TLN2: variants seen among roughly 807,000 people sequenced by gnomAD.
TLN2 encodes the protein talin 2, also known as talin-2.
A neutral mutation model predicts 294.7 loss-of-function variants in TLN2; 118 were observed. That is an observed-to-expected ratio of 0.40 (90% CI 0.34 to 0.47). TLN2 has a LOEUF of 0.47. Ranked by LOEUF, TLN2 falls within the 20% of genes least tolerant of loss-of-function variation. TLN2 has a pLI of 0.84. For missense variants in TLN2, 3,083 were observed against 3,282.2 expected (o/e 0.94, Z 1.48); for synonymous variants, 1,431 against 1,304.5 (o/e 1.10, Z -2.09).
chr15:62,441,701 A>C (rs114172665), intron 1 of TLN2, among the ~76,000 whole-genome samples: 1 of 152,150 alleles, frequency 6.6e-6, no homozygotes, highest in Non-Finnish European at 1.5e-5. Context: ...AAGATTGCCC[A>C]CTTCAGATGC....
At chr15:62,599,917 C>T (rs1056493481) in intron 2 of TLN2, among the ~76,000 whole-genome samples, 2 of 152,070 alleles carry the variant, frequency 1.3e-5, no homozygotes, top group African/African-American at 2.4e-5. Flanking sequence ...AAAAATTGAC[C>T]GTGGAGGATA....
At chr15:62,655,824 A>C in intron 7 of TLN2, 120 bp from the exon 8 acceptor site, 2 of 1,103,408 alleles carry the variant, frequency 1.8e-6, no homozygotes, top group Non-Finnish European at 2.5e-6. Flanking sequence ...AAATAACTAT[A>C]ACTACTATAA....
At chr15:62,731,439 G>A (rs1431025825) in intron 28 of TLN2, among the ~76,000 whole-genome samples, 9 of 151,806 alleles carry the variant, frequency 5.9e-5, no homozygotes, top group Non-Finnish European at 1.0e-4. Context: ...ATTACTCTTC[G>A]CTTCTGGCAG....
chr15:62,501,941 C>T (rs1392096344), intron 1 of TLN2, among the ~76,000 whole-genome samples: 1 of 152,240 alleles, frequency 6.6e-6, no homozygotes, highest in East Asian at 1.9e-4. Flanking sequence ...TAGCTGAAAG[C>T]CAATTAAGAT....
Position 62,805,612 on chromosome 15 carries a change from A to G in TLN2, c.6490A>G (p.Lys2164Glu), listed in dbSNP as rs1567645435. The G allele has an allele frequency of 1.2e-6, 2 of 1,602,166 alleles. No individual in the cohort carries two copies. The highest frequency in any genetic ancestry group is 1.1e-5 in the South Asian group (1 of 89,882). The change falls in exon 51 of 59, where the codon AAA (lysine) becomes GAA (glutamate). Residue 2164 changes from lysine to glutamate, a missense_variant. Coordinates refer to ENST00000636159, the MANE Select transcript of TLN2 (RefSeq NM_015059.3). The part of the protein sequence containing the change: ...IKQELTVFQS[K>E]DVPEKTSSPE... ...TTCTGACTTCCAGGTGTTCCAGTCA[A>G]AAGACGTACCTGAAAAGACATCATC...
intron 2 of TLN2, among the ~76,000 whole-genome samples, chr15:62,605,528 C>T (rs2047359353): frequency 6.6e-6 from 1 of 152,162 alleles, no homozygotes. Context: ...AGTCTACTCC[C>T]TATCCCCAGC....
chr15:62,703,318 G>A (rs1053282609), intron 19 of TLN2, among the ~76,000 whole-genome samples: 1 of 151,950 alleles, frequency 6.6e-6, no homozygotes, highest in African/African-American at 2.4e-5. Context: ...GGTCAGGCTG[G>A]TCTCGAACTT....
intron 19 of TLN2, among the ~76,000 whole-genome samples, chr15:62,706,635 A>C (rs1212782447): frequency 1.3e-5 from 2 of 152,234 alleles, no homozygotes; most frequent in Non-Finnish European, 1.5e-5. Flanking sequence ...TAGAAATCCA[A>C]AAGATACATT....
chr15:62,445,913 AG>A (rs2035796381), intron 1 of TLN2, among the ~76,000 whole-genome samples: 1 of 152,110 alleles, frequency 6.6e-6, no homozygotes, highest in African/African-American at 2.4e-5. Context: ...ATCCTCCCAA[AG>A]TGCTGGGATT....
At chr15:62,795,048 T>C (rs570366459) in intron 46 of TLN2, among the ~76,000 whole-genome samples, 54 of 152,248 alleles carry the variant, frequency 3.5e-4, no homozygotes, top group African/African-American at 1.3e-3. Flanking sequence ...AAGAACGGTG[T>C]GCTGTGGCGT....
intron 54 of TLN2, among the ~76,000 whole-genome samples, chr15:62,825,702 A>G (rs556364673): frequency 9.5e-5 from 12 of 126,776 alleles, no homozygotes; most frequent in Non-Finnish European, 1.4e-4. Context: ...AAAATACAAT[A>G]TATATATAAA....
chr15:62,604,592 C>G (rs944945263), intron 2 of TLN2, among the ~76,000 whole-genome samples: 3 of 147,432 alleles, frequency 2.0e-5, no homozygotes, highest in African/African-American at 7.5e-5. Flanking sequence ...AAGAGAGCTT[C>G]ATAAGAGAGA....
intron 1 of TLN2, among the ~76,000 whole-genome samples, chr15:62,425,418 A>T (rs1256614307): frequency 6.6e-6 from 1 of 152,114 alleles, no homozygotes; most frequent in Non-Finnish European, 1.5e-5. Flanking sequence ...CCCTTCCTGC[A>T]TGGGGCCCCT....
At chr15:62,616,007 G>A (rs2048288006) in intron 2 of TLN2, among the ~76,000 whole-genome samples, 1 of 151,926 alleles carries the variant, frequency 6.6e-6, no homozygotes, top group Non-Finnish European at 1.5e-5. Context: ...TTTTACTACT[G>A]TCCTCTAACA....
intron 32 of TLN2, among the ~76,000 whole-genome samples, chr15:62,742,655 T>C (rs1296992462): frequency 6.6e-6 from 1 of 152,196 alleles, no homozygotes; most frequent in Non-Finnish European, 1.5e-5. Context: ...TCGTTGCCTT[T>C]CTGTCCTGGC....
Position 62,842,935 on chromosome 15 carries a change from T to C in TLN2, c.*2325T>C, listed in dbSNP as rs2070852964. 6.6e-6 allele frequency: 1 copy of C among 152,222 alleles called. No homozygotes were observed. Among genetic ancestry groups the C allele is most frequent in the Admixed American group, 6.5e-5 (1 of 15,278 alleles). The allele number at this position is 152,222 out of a possible 1,614,324, so 9.4% of individuals were successfully genotyped here. ...TATGTGAACGGCTTCGTGGCCGGTG[T>C]GGTGGTTTCTCATTTCATAAGATAG... On this transcript the variant is annotated 3_prime_UTR_variant, in exon 59 of 59. Coordinates refer to ENST00000636159, the MANE Select transcript of TLN2 (RefSeq NM_015059.3).
chr15:62,630,043 G>T (rs1475277073), intron 3 of TLN2, among the ~76,000 whole-genome samples: 3 of 152,134 alleles, frequency 2.0e-5, no homozygotes, highest in Non-Finnish European at 4.4e-5. Context: ...GTTATTTTCA[G>T]TTGTGTCGTG....
intron 9 of TLN2, among the ~76,000 whole-genome samples, chr15:62,671,353 T>C (rs185137490): frequency 6.6e-6 from 1 of 152,316 alleles, no homozygotes; most frequent in Non-Finnish European, 1.5e-5. Flanking sequence ...ACTCTTTGCC[T>C]AAATCAAGTT....
At chr15:62,589,325 T>C (rs1417233991) in intron 1 of TLN2, among the ~76,000 whole-genome samples, 1 of 152,182 alleles carries the variant, frequency 6.6e-6, no homozygotes, top group East Asian at 1.9e-4. Flanking sequence ...TGTAAACTAA[T>C]TTTAAAAAGA....
Sources: allele counts gnomAD v4.1 joint callset (sites outside exome capture counted in the v4.1 genomes callset), GRCh38; gene constraint gnomAD v4.1.1; transcripts MANE v1.5; gene names NCBI Gene and HGNC (gene_info 2026-07-23, HGNC 2026-07-21).